ATXN7: variants seen among roughly 807,000 people sequenced by gnomAD.
ATXN7 encodes the protein ataxin-7.
Under a neutral mutation model 70.5 loss-of-function variants are expected in ATXN7, and 12 were observed. The observed-to-expected ratio is 0.17, with a 90% confidence interval of 0.11 to 0.28. The LOEUF is 0.28. Ranked by LOEUF, ATXN7 falls within the 10% of genes least tolerant of loss-of-function variation. The pLI is 1.00. For synonymous variants in ATXN7, 498 were observed against 448.7 expected (o/e 1.11, Z -1.39); for missense variants, 1,256 against 1,131.7 (o/e 1.11, Z -1.58).
In ATXN7 at chr3:63,912,936, G is replaced by C. The variant is rs1704106271; in HGVS notation, c.325+13G>C. On this transcript the variant is annotated intron_variant, in intron 3 of 12. Transcript: ENST00000674280. ...CCTGGGAAGGACGGTGAGTGTCCACGCCCTCCTCCCCCCTTCACCCCCTCG... is the reference window on the plus strand; with the variant it reads ...CCTGGGAAGGACGGTGAGTGTCCACCCCCTCCTCCCCCCTTCACCCCCTCG... 5 of 1,605,156 alleles carry C rather than the reference G, an allele frequency of 3.1e-6. No homozygotes were observed. Among genetic ancestry groups the C allele is most frequent in the Admixed American group, 1.7e-5 (1 of 59,690 alleles).
chr3:63,997,184 G>A (rs1330571587), intron 12 of ATXN7, among the ~76,000 whole-genome samples: 3 of 152,164 alleles, frequency 2.0e-5, no homozygotes, highest in Admixed American at 2.0e-4. Flanking sequence ...CTTGAACACG[G>A]GAGGCGGAAG....
chr3:63,983,093 C>T lies in ATXN7; in HGVS notation c.1095+72C>T, dbSNP rs72876981. 8,040 of 1,182,132 alleles carry T rather than the reference C, an allele frequency of 6.8e-3. 354 individuals carry two copies. In the African/African-American group the frequency reaches 0.099, roughly 15 times the overall value. 73.2% of individuals were successfully genotyped at this position (1,182,132 alleles called of 1,614,324 possible). ...GTGACTGGGATGTACCACACTACTC[C>T]CACAGTCTCTCTAACCCAGAGAAGA... On this transcript the variant is annotated intron_variant, in intron 8 of 12. Transcript: ENST00000674280.
chr3:63,891,869 A>T (rs1703277194), intron 1 of ATXN7, among the ~76,000 whole-genome samples: 1 of 152,226 alleles, frequency 6.6e-6, no homozygotes. Context: ...GGTAATATTT[A>T]AAGAGGTGGG....
At chr3:63,922,793 A>T (rs1704559806) in intron 4 of ATXN7, among the ~76,000 whole-genome samples, 1 of 152,142 alleles carries the variant, frequency 6.6e-6, no homozygotes. Flanking sequence ...TTTGGAAACT[A>T]TATAGGAAGA....
At chr3:63,971,272 A>G (rs922781246) in intron 5 of ATXN7, among the ~76,000 whole-genome samples, 2 of 152,186 alleles carry the variant, frequency 1.3e-5, no homozygotes, top group African/African-American at 2.4e-5. Context: ...CCTTTGAGGC[A>G]CTGCATGTCA....
chr3:63,954,166 C>T (rs897174418), intron 5 of ATXN7, among the ~76,000 whole-genome samples: 2 of 152,196 alleles, frequency 1.3e-5, no homozygotes, highest in African/African-American at 4.8e-5. Flanking sequence ...CATTTCCCTG[C>T]TTCTGAGTTG....
At chr3:63,865,412 T>C (rs1484036692) in intron 1 of ATXN7, 1 of 152,214 alleles carries the variant, frequency 6.6e-6, no homozygotes, top group African/African-American at 2.4e-5. Flanking sequence ...GAAAAAATAC[T>C]GACCTAAACG....
At chr3:63,937,217 G>A (rs1000615531) in intron 4 of ATXN7, among the ~76,000 whole-genome samples, 2 of 152,126 alleles carry the variant, frequency 1.3e-5, no homozygotes, top group African/African-American at 4.8e-5. Context: ...AATGAGGGAA[G>A]ACAGAAATAT....
rs201835549 is a variant in ATXN7, at chr3:63,967,418, G to A, written c.500-12497G>A. Among the ~76,000 whole-genome samples the A allele has an allele frequency of 6.6e-5, 10 of 152,276 alleles. No homozygotes were observed. In the East Asian group the frequency reaches 9.7e-4, roughly 15 times the overall value. ...TTGAAAAGCTTAGCAACTGTAGATA[G>A]TATAGGGGAAATAAAACCTGGAAAA... On this transcript the variant is annotated intron_variant, in intron 5 of 12. Transcript: ENST00000674280.
intron 12 of ATXN7, 43 bp from the exon 13 acceptor site, chr3:63,999,407 T>TA (rs775838019): frequency 3.3e-6 from 5 of 1,513,618 alleles, no homozygotes; most frequent in Non-Finnish European, 4.6e-6. Context: ...TACAAACGCT[T>TA]ACTTACCATT....
chr3:63,929,344 C>G (rs1436930150), intron 4 of ATXN7, among the ~76,000 whole-genome samples: 1 of 150,226 alleles, frequency 6.7e-6, no homozygotes, highest in African/African-American at 2.5e-5. Flanking sequence ...GCCATCTCGG[C>G]TCACTGCAAC....
chr3:63,977,211 G>A (rs905781749), intron 5 of ATXN7, among the ~76,000 whole-genome samples: 2 of 152,132 alleles, frequency 1.3e-5, no homozygotes, highest in South Asian at 2.1e-4. Flanking sequence ...ATGAAAAAGC[G>A]AATGCAAAAT....
chr3:63,930,387 G>T (rs974968979), intron 4 of ATXN7, among the ~76,000 whole-genome samples: 3 of 152,148 alleles, frequency 2.0e-5, no homozygotes, highest in African/African-American at 7.2e-5. Flanking sequence ...TCCTGTAATA[G>T]GATCCCTTTG....
chr3:63,995,916 TACC>T lies in ATXN7; in HGVS notation c.2096_2098del (p.Thr699del), dbSNP rs759628922. 2 of 1,614,202 alleles carry T rather than the reference TACC, an allele frequency of 1.2e-6. No homozygotes were observed. Among genetic ancestry groups the T allele is most frequent in the Admixed American group, 3.3e-5 (2 of 60,034 alleles). On this transcript the variant is annotated inframe_deletion, in exon 12 of 13. Transcript: ENST00000674280. Reference sequence around the variant, plus strand: ...CTAACTGTCAAAATGCCAGTAGCAGTACCAGTGGCGGCTCAGGAAAGAAACGCA... The same window carrying T: ...CTAACTGTCAAAATGCCAGTAGCAGTAGTGGCGGCTCAGGAAAGAAACGCA...
At chr3:63,990,941 T>A in intron 11 of ATXN7, 82 bp downstream of exon 11, 1 of 1,597,480 alleles carries the variant, frequency 6.3e-7, no homozygotes, top group Non-Finnish European at 8.6e-7. Context: ...ACTGATGTTA[T>A]GAAGATATGC....
intron 2 of ATXN7, among the ~76,000 whole-genome samples, chr3:63,906,350 C>T (rs1703838022): frequency 6.6e-6 from 1 of 152,212 alleles, no homozygotes; most frequent in African/African-American, 2.4e-5. Flanking sequence ...TGTGTTGTTC[C>T]TTCCCTCTTA....
intron 5 of ATXN7, among the ~76,000 whole-genome samples, chr3:63,976,194 T>G (rs2075384922): frequency 6.6e-6 from 1 of 152,194 alleles, no homozygotes; most frequent in East Asian, 1.9e-4. Flanking sequence ...TAGAGCTAGA[T>G]GCCCAGTTTA....
Position 63,995,748 on chromosome 3 carries a change from A to T in ATXN7, c.1926A>T (p.Gln642His), listed in dbSNP as rs1053339. ...SGAMDPVCSM[Q>H]SRQVSSSSSS... ...CGATGGATCCTGTGTGCAGTATGCA[A>T]TCCAGACAAGTGTCCTCTTCATCCT... The change falls in exon 12 of 13, where the codon CAA becomes CAT. Residue 642 changes from glutamine to histidine, a missense_variant. By Grantham distance (24) the Gln-to-His change is conservative. Coordinates refer to ENST00000674280, the MANE Select transcript of ATXN7 (RefSeq NM_001377405.1). 4.3e-6 allele frequency: 7 copies of T among 1,614,184 alleles called. No homozygotes were observed. The East Asian group carries it at 1.1e-4, about 26-fold the overall frequency.
intron 8 of ATXN7, among the ~76,000 whole-genome samples, chr3:63,983,743 C>A (rs1190805242): frequency 6.6e-6 from 1 of 151,950 alleles, no homozygotes; most frequent in African/African-American, 2.4e-5. Flanking sequence ...GGTATATTTG[C>A]TGAAAAGTGT....
Sources: gnomAD v4.1 joint callset for allele counts (sites outside exome capture counted in the v4.1 genomes callset) on GRCh38, gnomAD v4.1.1 for gene constraint, MANE v1.5 for transcripts, NCBI Gene and HGNC (gene_info 2026-07-23, HGNC 2026-07-21) for gene names.